Variants in ASPM observed in about 807,000 individuals in gnomAD.
The protein encoded by ASPM is abnormal spindle-like microcephaly-associated protein.
ASPM carries 256 observed loss-of-function variants against 366.4 expected under a neutral mutation model. The ratio of observed to expected loss-of-function variants is 0.70; its 90% CI spans 0.63 to 0.77. ASPM has a LOEUF of 0.77. Among genes scored for constraint, ASPM ranks in the 30% least tolerant of loss-of-function variants. ASPM has a pLI of 0.00. For synonymous variants in ASPM, 1,414 were observed against 1,342.9 expected (o/e 1.05, Z -1.16); for missense variants, 4,146 against 4,090.4 (o/e 1.01, Z -0.37).
At chr1:197,088,900 T>C (rs562201234) in intron 25 of ASPM, among the ~76,000 whole-genome samples, 3 of 152,110 alleles carry the variant, frequency 2.0e-5, no homozygotes, top group Admixed American at 6.6e-5. Flanking sequence ...AAAATACATA[T>C]GATGCTAGTA....
In ASPM at chr1:197,100,579, T is replaced by C. The variant is rs766716643; in HGVS notation, c.8672A>G (p.Asn2891Ser). The C allele has an allele frequency of 1.4e-5, 23 of 1,612,024 alleles. 1 individual carries two copies. In the South Asian group the frequency reaches 1.8e-4, roughly 12 times the overall value. Residue 2891 changes from asparagine to serine, a missense_variant, in exon 18 of 28, where the codon AAT becomes AGT. Coordinates refer to ENST00000367409, the MANE Select transcript of ASPM (RefSeq NM_018136.5). ...TGCAGACAGAAATGCTCTGTAGTGATTTTGTAAAACCACTGCTGCTTTTCT... is the reference window on the plus strand; with the variant it reads ...TGCAGACAGAAATGCTCTGTAGTGACTTTGTAAAACCACTGCTGCTTTTCT... ...LYRKAAVVLQ[N>S]HYRAFLSAKH...
At chr1:197,124,371 T>C (rs1658018449) in intron 12 of ASPM, 40 bp from the exon 13 acceptor site, 2 of 1,344,708 alleles carry the variant, frequency 1.5e-6, no homozygotes, top group Non-Finnish European at 2.1e-6. Context: ...CTTCATATTT[T>C]CCATAGATTA....
chr1:197,106,082 G>A (rs755520556), intron 17 of ASPM, among the ~76,000 whole-genome samples: 54 of 152,030 alleles, frequency 3.6e-4, no homozygotes, highest in African/African-American at 1.1e-3. Context: ...TGGGTACCTC[G>A]CTCTCCTATA....
rs1657235289 is a variant in ASPM at position 197,102,635 on chromosome 1, GCTGT to G, written c.6612_6615del (p.Arg2204SerfsTer8). 6.2e-7 allele frequency: 1 copy of G among 1,612,376 alleles called. No homozygotes were observed. Among genetic ancestry groups the G allele is most frequent in the Non-Finnish European group, 8.5e-7 (1 of 1,179,252 alleles). ...TTCTTTAACTTATTAAAGTATGTTT[GCTGT>G]CTGTATCTTCTGTAGTTTGACTGAA... On this transcript the variant is annotated frameshift_variant, in exon 18 of 28. Transcript: ENST00000367409. LOFTEE classifies it high-confidence loss of function.
At position 197,096,133 on chromosome 1, in the gene ASPM, T is replaced by C. The variant is rs1186431675; in HGVS notation, c.8852A>G (p.Tyr2951Cys). Reference sequence around the variant, plus strand: ...GCAGGCAGCTTTCACTTTACATAAATATTTCTTGGCTCTATATCTCCTCCA... The same window carrying C: ...GCAGGCAGCTTTCACTTTACATAAACATTTCTTGGCTCTATATCTCCTCCA... ...AMWRRYRAKK[Y>C]LCKVKAACKI... Residue 2951 changes from tyrosine (Y) to cysteine (C), a missense_variant, in exon 19 of 28, where the codon TAT becomes TGT. Transcript: ENST00000367409. 2.5e-6 allele frequency: 4 copies of C among 1,608,574 alleles called. No homozygotes were observed. Among genetic ancestry groups the C allele is most frequent in the Non-Finnish European group, 3.4e-6 (4 of 1,176,086 alleles).
chr1:197,088,137 G>T, intron 26 of ASPM, 119 bp downstream of exon 26: 4 of 1,096,674 alleles, frequency 3.6e-6, no homozygotes, highest in South Asian at 1.4e-5. Context: ...CAAAAAGCAG[G>T]TTTGAACACA....
intron 26 of ASPM, 56 bp downstream of exon 26, chr1:197,088,200 T>C (rs969922950): frequency 5.8e-6 from 9 of 1,564,964 alleles, no homozygotes; most frequent in Non-Finnish European, 7.9e-6. Flanking sequence ...ATAAAAGTCA[T>C]AGACTTAAGA....
In ASPM at chr1:197,135,216, C is replaced by T. The variant is rs2125110399; in HGVS notation, c.2053G>A (p.Ala685Thr). Reference protein sequence around the residue: ...TDIPRHPMPFAAKNMFYDERW... With the variant: ...TDIPRHPMPFTAKNMFYDERW... ...TCATCATAAAACATGTTTTTTGCAG[C>T]AAATGGCATCGGGTGTCTGGGAATA... Residue 685 changes from alanine to threonine, a missense_variant, in exon 5 of 28, where the codon GCT (alanine) becomes ACT (threonine). Ala to Thr is a moderately conservative substitution (Grantham distance 58). This residue lies in a region of ASPM where 3,624 missense variants were observed against 3,591.7 expected (regional missense o/e 1.01). Coordinates refer to ENST00000367409, the MANE Select transcript of ASPM (RefSeq NM_018136.5). The T allele has an allele frequency of 6.2e-7, 1 of 1,613,970 alleles. No individual in the cohort carries two copies. Among genetic ancestry groups the T allele is most frequent in the Non-Finnish European group, 8.5e-7 (1 of 1,179,930 alleles).
At chr1:197,106,456 T>C (rs936820393) in intron 17 of ASPM, among the ~76,000 whole-genome samples, 2 of 152,056 alleles carry the variant, frequency 1.3e-5, no homozygotes, top group Non-Finnish European at 2.9e-5. Context: ...ATATTATTTT[T>C]CTTTTGAGCA....
intron 17 of ASPM, among the ~76,000 whole-genome samples, chr1:197,115,941 G>C (rs1657725578): frequency 6.6e-6 from 1 of 152,130 alleles, no homozygotes; most frequent in South Asian, 2.1e-4. Flanking sequence ...TAATAAGAGA[G>C]TAAAACTCTC....
In ASPM at chr1:197,102,084, C is replaced by G; in HGVS notation, c.7167G>C (p.Val2389=). 1.2e-6 allele frequency: 2 copies of G among 1,612,938 alleles called. No individual in the cohort carries two copies. The highest frequency in any genetic ancestry group is 2.2e-5 in the South Asian group (2 of 91,054). The part of the protein sequence containing the change: ...QHYLRQRHSA[V]ILQAAFRGMK... ...TACCCCTGAATGCAGCCTGAAGGAT[C>G]ACAGCAGAGTGTCTTTGTCTGAGAT... Residue 2389 remains valine, a synonymous_variant, in exon 18 of 28, where the codon GTG becomes GTC. Transcript: ENST00000367409.
chr1:197,113,075 T>C (rs1159275619), intron 17 of ASPM, among the ~76,000 whole-genome samples: 1 of 152,172 alleles, frequency 6.6e-6, no homozygotes, highest in African/African-American at 2.4e-5. Flanking sequence ...AATGTGCATT[T>C]AGCTGGAGGC....
Position 197,102,083 on chromosome 1 carries a change from T to C in ASPM, c.7168A>G (p.Ile2390Val), listed in dbSNP as rs1657207826. Residue 2390 changes from isoleucine to valine, a missense_variant, in exon 18 of 28, where the codon ATC (isoleucine) becomes GTC (valine). Coordinates refer to ENST00000367409, the MANE Select transcript of ASPM (RefSeq NM_018136.5). ...HYLRQRHSAV[I>V]LQAAFRGMKT... ...ATACCCCTGAATGCAGCCTGAAGGATCACAGCAGAGTGTCTTTGTCTGAGA... is the reference window on the plus strand; with the variant it reads ...ATACCCCTGAATGCAGCCTGAAGGACCACAGCAGAGTGTCTTTGTCTGAGA... The C allele has an allele frequency of 1.9e-6, 3 of 1,612,908 alleles. No individual in the cohort carries two copies. In the South Asian group the frequency reaches 3.3e-5, roughly 18 times the overall value.
intron 26 of ASPM, among the ~76,000 whole-genome samples, chr1:197,087,203 T>C (rs1208292513): frequency 2.6e-5 from 4 of 152,174 alleles, no homozygotes; most frequent in African/African-American, 9.6e-5. Context: ...GTCTCCCAAG[T>C]AGCTGGGATT....
intron 4 of ASPM, 78 bp from the exon 5 acceptor site, chr1:197,135,320 C>A: frequency 1.5e-6 from 2 of 1,323,290 alleles, no homozygotes; most frequent in Admixed American, 3.4e-5. Flanking sequence ...GTCATTTTTA[C>A]TAGCAATACC....
chr1:197,093,001 T>A, intron 21 of ASPM, 51 bp downstream of exon 21: 1 of 1,455,506 alleles, frequency 6.9e-7, no homozygotes, highest in South Asian at 1.1e-5. Context: ...CTATTTAACA[T>A]CAAGTGCTTT....
Position 197,101,091 on chromosome 1 carries a change from A to G in ASPM, c.8160T>C (p.Asn2720=), listed in dbSNP as rs1215188759. 2.5e-6 allele frequency: 4 copies of G among 1,611,754 alleles called. No individual in the cohort carries two copies. The African/African-American group carries it at 5.4e-5, about 22-fold the overall frequency. ...TKKTAIVVIQ[N]YYRLYVRVKT... is the part of the protein sequence containing the mutation. The stretch of plus-strand genomic sequence containing the variant: ...TTACTCTAACATACAACCTATAATA[A>G]TTCTGTATAACCACAATTGCAGTTT... The change falls in exon 18 of 28, where the codon AAT becomes AAC. Residue 2720 remains asparagine (N), a synonymous_variant. Transcript: ENST00000367409.
intron 8 of ASPM, among the ~76,000 whole-genome samples, chr1:197,129,569 T>C (rs1658199073): frequency 6.6e-6 from 1 of 152,148 alleles, no homozygotes. Context: ...CACAGAGGCA[T>C]CAAGAGATTT....
intron 3 of ASPM, 105 bp downstream of exon 3, chr1:197,142,226 T>G: frequency 8.1e-7 from 1 of 1,242,016 alleles, no homozygotes; most frequent in East Asian, 2.3e-5. Context: ...ACCCAGCAAA[T>G]AAGTAAAAAC....
Sources: allele counts gnomAD v4.1 joint callset (sites outside exome capture counted in the v4.1 genomes callset), GRCh38; gene constraint gnomAD v4.1.1; regional missense constraint gnomAD v4.1.1; transcripts MANE v1.5; gene names NCBI Gene and HGNC (gene_info 2026-07-23, HGNC 2026-07-21).